RNLS: variants seen among roughly 807,000 people sequenced by gnomAD.
The protein encoded by RNLS is renalase.
In RNLS, 39 loss-of-function variants were observed where a neutral mutation model predicts 39.8. That is an observed-to-expected ratio of 0.98 (90% confidence interval 0.76 to 1.28). The LOEUF (loss-of-function observed/expected upper bound fraction) is 1.28, where lower values mean the gene tolerates loss of function less well. RNLS is among the 50% of genes most tolerant of loss of function. The pLI, the probability that RNLS is intolerant of heterozygous loss-of-function variation, is 0.00. For missense variants in RNLS, 410 were observed against 413.3 expected, an observed-to-expected ratio of 0.99 and a Z score of 0.07; for synonymous variants, 147 against 150.7, an observed-to-expected ratio of 0.98 and a Z score of 0.18.
At chr10:88,214,921 G>A in the RNLS span, among the ~76,000 whole-genome samples, 1 of 152,068 alleles carries the variant, frequency 6.6e-6, no homozygotes, top group Admixed American at 6.6e-5. Context: ...TTATATTTGA[G>A]CAATATGGTT....
chr10:88,348,219 G>A (rs1046063405), intron 5 of RNLS, among the ~76,000 whole-genome samples: 1 of 152,050 alleles, frequency 6.6e-6, no homozygotes, highest in Non-Finnish European at 1.5e-5. Context: ...GTTTTCTGAT[G>A]CTCTCATCTC....
At chr10:88,459,914 G>A (rs1269225323) in intron 4 of RNLS, among the ~76,000 whole-genome samples, 2 of 152,116 alleles carry the variant, frequency 1.3e-5, no homozygotes. Context: ...AGAAATACAT[G>A]GCCACTGAAT....
chr10:88,466,728 T>C lies in RNLS; in HGVS notation c.527-104003A>G, dbSNP rs576897232. ...AAGTGTATTTTTTAAATTCAAAGAG[T>C]CCTCCAAACATTTGGTAATTTAAAC... On this transcript the variant is annotated intron_variant, in intron 4 of 6. Coordinates refer to ENST00000331772, the MANE Select transcript of RNLS (RefSeq NM_001031709.3). 1.1e-3 allele frequency among the ~76,000 whole-genome samples: 160 copies of C among 152,168 alleles called. 1 individual carries two copies. The highest frequency in any genetic ancestry group is 3.6e-3 in the African/African-American group (151 of 41,538).
At chr10:88,576,945 T>C (rs985423714) in intron 3 of RNLS, among the ~76,000 whole-genome samples, 6 of 152,130 alleles carry the variant, frequency 3.9e-5, no homozygotes, top group African/African-American at 7.2e-5. Flanking sequence ...GCCCTCCCTA[T>C]TGGTAGGACA....
chr10:88,533,242 C>T (rs1053470840), intron 4 of RNLS, among the ~76,000 whole-genome samples: 1 of 152,042 alleles, frequency 6.6e-6, no homozygotes, highest in Non-Finnish European at 1.5e-5. Flanking sequence ...ACAGCTTGGC[C>T]TTTTCTTTAG....
At chr10:88,446,250 T>C (rs1432441758) in intron 4 of RNLS, among the ~76,000 whole-genome samples, 1 of 152,164 alleles carries the variant, frequency 6.6e-6, no homozygotes, top group Non-Finnish European at 1.5e-5. Flanking sequence ...GAAATAAAGA[T>C]GTTCTTTGAA....
chr10:88,422,296 A>G (rs1376269716), intron 4 of RNLS, among the ~76,000 whole-genome samples: 2 of 152,210 alleles, frequency 1.3e-5, no homozygotes, highest in Non-Finnish European at 2.9e-5. Flanking sequence ...ACCATTTTAT[A>G]TGGAAGGATG....
chr10:88,218,281 G>A, the RNLS span, among the ~76,000 whole-genome samples: 1 of 152,238 alleles, frequency 6.6e-6, no homozygotes, highest in Non-Finnish European at 1.5e-5. Context: ...TATGGCATAT[G>A]AGACTAGAGA....
downstream of RNLS, among the ~76,000 whole-genome samples, chr10:88,280,963 C>G (rs1483481589): frequency 6.6e-6 from 1 of 152,166 alleles, no homozygotes; most frequent in Non-Finnish European, 1.5e-5. Flanking sequence ...TTCTCCTTAG[C>G]AGGCTCTTTT....
chr10:88,457,186 G>T (rs1182953227), intron 4 of RNLS, among the ~76,000 whole-genome samples: 1 of 152,170 alleles, frequency 6.6e-6, no homozygotes, highest in Non-Finnish European at 1.5e-5. Context: ...ATTTTAACTT[G>T]AAGCAGTTTA....
chr10:88,219,039 C>G, the RNLS span, among the ~76,000 whole-genome samples: 2 of 152,190 alleles, frequency 1.3e-5, no homozygotes, highest in Admixed American at 6.5e-5. Context: ...TCTTGGGTAA[C>G]TAATTGTGTC....
In RNLS at chr10:88,572,955, A is replaced by C. The variant is rs748668828; in HGVS notation, c.474T>G (p.Val158=). The change falls in exon 4 of 7, where the codon GTT becomes GTG. Residue 158 remains valine, a synonymous_variant. Transcript: ENST00000331772. The part of the protein sequence containing the change: ...TGSPEQFDLI[V]LTMPVPEILQ... Reference sequence around the variant, plus strand: ...GAATCTCAGGAACTGGCATTGTGAGAACAATAAGATCAAACTGCTCAGGGG... The same window carrying C: ...GAATCTCAGGAACTGGCATTGTGAGCACAATAAGATCAAACTGCTCAGGGG... 2.5e-6 allele frequency: 4 copies of C among 1,614,028 alleles called. No individual in the cohort carries two copies. In the South Asian group the frequency reaches 4.4e-5, roughly 18 times the overall value.
chr10:88,447,522 C>T (rs1045399434), intron 4 of RNLS, among the ~76,000 whole-genome samples: 4 of 152,024 alleles, frequency 2.6e-5, no homozygotes, highest in Non-Finnish European at 4.4e-5. Flanking sequence ...CACAAACAAA[C>T]AGAAGAACAT....
chr10:88,420,627 G>A (rs1158534065), intron 4 of RNLS, among the ~76,000 whole-genome samples: 1 of 152,074 alleles, frequency 6.6e-6, no homozygotes, highest in Non-Finnish European at 1.5e-5. Context: ...ATTGTATATA[G>A]AGCCCACCTG....
intron 4 of RNLS, among the ~76,000 whole-genome samples, chr10:88,398,015 G>A (rs997603031): frequency 2.6e-5 from 4 of 152,032 alleles, no homozygotes; most frequent in African/African-American, 9.7e-5. Flanking sequence ...TGGTTCTGGG[G>A]CAACTGGATA....
At chr10:88,563,576 T>G (rs561048344) in intron 4 of RNLS, among the ~76,000 whole-genome samples, 1 of 152,050 alleles carries the variant, frequency 6.6e-6, no homozygotes, top group Non-Finnish European at 1.5e-5. Flanking sequence ...AAGGTCCAAG[T>G]TGATGATTAG....
chr10:88,191,867 C>G, the RNLS span, among the ~76,000 whole-genome samples: 3 of 152,018 alleles, frequency 2.0e-5, no homozygotes, highest in African/African-American at 7.2e-5. Flanking sequence ...GAGATCTTGA[C>G]TCTGGCTTCA....
At chr10:88,499,640 T>G (rs921482884) in intron 4 of RNLS, among the ~76,000 whole-genome samples, 1 of 152,094 alleles carries the variant, frequency 6.6e-6, no homozygotes, top group Non-Finnish European at 1.5e-5. Flanking sequence ...TAGACTTCTT[T>G]GGACCATCCC....
chr10:88,460,379 G>A (rs138817863), intron 4 of RNLS, among the ~76,000 whole-genome samples: 16 of 152,142 alleles, frequency 1.1e-4, no homozygotes, highest in African/African-American at 2.4e-4. Context: ...CTGACTTTTC[G>A]CATAGCTGTC....
Sources: allele counts gnomAD v4.1 joint callset (sites outside exome capture counted in the v4.1 genomes callset), GRCh38; gene constraint gnomAD v4.1.1; transcripts MANE v1.5; gene names NCBI Gene and HGNC (gene_info 2026-07-23, HGNC 2026-07-21).